The following AIG1 variants were observed in gnomAD, a reference collection of about 807,000 sequenced individuals.
The protein encoded by AIG1 is androgen-induced gene 1 protein.
In AIG1, 23 loss-of-function variants were observed where a neutral mutation model predicts 31.4. That is an observed-to-expected ratio of 0.73 (90% CI 0.53 to 1.04). The LOEUF (loss-of-function observed/expected upper bound fraction) is 1.04. Among genes scored for constraint, AIG1 ranks in the 50% least tolerant of loss-of-function variants. AIG1 has a pLI of 0.00. For missense variants in AIG1, 274 were observed against 295.0 expected (o/e 0.93, Z 0.52); for synonymous variants, 100 against 110.5 (o/e 0.90, Z 0.60).
In AIG1 at chr6:143,325,116, C is replaced by T. The variant is rs1776500160; in HGVS notation, c.516-8166C>T. Among the ~76,000 whole-genome samples, 1 of 152,218 alleles carries T rather than the reference C, an allele frequency of 6.6e-6. No individual in the cohort carries two copies. Among genetic ancestry groups the T allele is most frequent in the Admixed American group, 6.5e-5 (1 of 15,286 alleles). On this transcript the variant is annotated intron_variant, in intron 4 of 5. Transcript: ENST00000357847. This position sits in a 1 kb window ranked among gnomAD's most constrained non-coding sequence, Gnocchi z 4.3. ...GTGGCAAACCAGTTTTCTAATAATT[C>T]TCTATGAAGACCCTGTGCTAATAGA... is the stretch of plus-strand genomic sequence containing the variant.
At chr6:143,276,767 C>T (rs1796950172) in intron 3 of AIG1, among the ~76,000 whole-genome samples, 1 of 152,068 alleles carries the variant, frequency 6.6e-6, no homozygotes, top group African/African-American at 2.4e-5. Flanking sequence ...GACCAATTAG[C>T]GAAATTAATA....
intron 3 of AIG1, among the ~76,000 whole-genome samples, chr6:143,165,563 C>T (rs935203583): frequency 1.3e-5 from 2 of 152,204 alleles, no homozygotes; most frequent in East Asian, 3.8e-4. Context: ...GCTCCACCTG[C>T]GCCTCACATC....
At chr6:143,240,746 C>T (rs540626710) in intron 3 of AIG1, among the ~76,000 whole-genome samples, 1 of 152,076 alleles carries the variant, frequency 6.6e-6, no homozygotes, top group Non-Finnish European at 1.5e-5. Flanking sequence ...TTTTAAAAAA[C>T]CAGACAATAT....
At chr6:143,314,210 AG>A (rs1775541924) in intron 4 of AIG1, among the ~76,000 whole-genome samples, 1 of 140,916 alleles carries the variant, frequency 7.1e-6, no homozygotes. Flanking sequence ...AAAAAAAAAA[AG>A]TTAAAGTAGC....
At chr6:143,212,478 G>A (rs1007999562) in intron 3 of AIG1, among the ~76,000 whole-genome samples, 1 of 152,068 alleles carries the variant, frequency 6.6e-6, no homozygotes, top group Non-Finnish European at 1.5e-5. Flanking sequence ...GATTTGTTTG[G>A]GGTTTTCTAC....
chr6:143,062,571 TGATTGGCTTGTCAATGAG>T (rs577340822), intron 1 of AIG1, among the ~76,000 whole-genome samples: 1 of 152,326 alleles, frequency 6.6e-6, no homozygotes, highest in African/African-American at 2.4e-5. Context: ...CTTATTGGGT[TGATTGGCTTGTCAATGAG>T]GATTGGCTTT....
At chr6:143,259,822 A>G (rs1186349137) in intron 3 of AIG1, among the ~76,000 whole-genome samples, 1 of 152,200 alleles carries the variant, frequency 6.6e-6, no homozygotes, top group Non-Finnish European at 1.5e-5. Flanking sequence ...CTAGGAGAGC[A>G]GTAGCGGGGC....
intron 3 of AIG1, among the ~76,000 whole-genome samples, chr6:143,274,191 T>C (rs1372382252): frequency 6.7e-6 from 1 of 149,664 alleles, no homozygotes. Context: ...CCTTCCCTCA[T>C]AGGAGATCTA....
chr6:143,141,651 T>C (rs1784256810), intron 2 of AIG1, among the ~76,000 whole-genome samples: 1 of 152,168 alleles, frequency 6.6e-6, no homozygotes, highest in Non-Finnish European at 1.5e-5. Flanking sequence ...TTGCAACTAA[T>C]TTTGCAGGGA....
At chr6:143,332,918 CAG>C (rs1777198475) in intron 4 of AIG1, among the ~76,000 whole-genome samples, 1 of 152,078 alleles carries the variant, frequency 6.6e-6, no homozygotes, top group Non-Finnish European at 1.5e-5. Flanking sequence ...GATCCTGGAA[CAG>C]AGAAAGGACA....
intron 1 of AIG1, among the ~76,000 whole-genome samples, chr6:143,090,873 A>G (rs1779244006): frequency 6.6e-6 from 1 of 151,928 alleles, no homozygotes; most frequent in Admixed American, 6.5e-5. Context: ...TCCTTTCATG[A>G]AAGATTGTTC....
At chr6:143,342,723 G>A (rs1326841024), downstream of AIG1, 17 of 966,448 alleles carry the variant, frequency 1.8e-5, no homozygotes, top group Admixed American at 1.2e-4. Context: ...AACAAGCGGT[G>A]GAATAACCTA....
intron 1 of AIG1, among the ~76,000 whole-genome samples, chr6:143,074,126 T>C (rs759245768): frequency 1.4e-4 from 21 of 152,256 alleles, no homozygotes; most frequent in African/African-American, 3.9e-4. Flanking sequence ...CAGTTCTTTA[T>C]GAATTTTAGA....
At chr6:143,254,339 A>C (rs1270892904) in intron 3 of AIG1, among the ~76,000 whole-genome samples, 1 of 152,134 alleles carries the variant, frequency 6.6e-6, no homozygotes, top group African/African-American at 2.4e-5. Context: ...TCAGGTGGAC[A>C]TTTTGGCCCA....
intron 1 of AIG1, among the ~76,000 whole-genome samples, chr6:143,116,503 G>A (rs371841620): frequency 2.6e-5 from 4 of 151,926 alleles, no homozygotes; most frequent in South Asian, 2.1e-4. Context: ...TGGGGGTGAC[G>A]AAGGATGTAA....
intron 3 of AIG1, among the ~76,000 whole-genome samples, chr6:143,246,005 G>A (rs537732737): frequency 1.3e-5 from 2 of 152,172 alleles, no homozygotes; most frequent in South Asian, 2.1e-4. Context: ...AACAATAGCT[G>A]TTGAGCTTAA....
At chr6:143,073,843 C>G (rs978262297) in intron 1 of AIG1, among the ~76,000 whole-genome samples, 9 of 152,194 alleles carry the variant, frequency 5.9e-5, no homozygotes, top group Admixed American at 2.6e-4. Context: ...AGAGGTCACT[C>G]ACTATCACAA....
intron 1 of AIG1, among the ~76,000 whole-genome samples, chr6:143,107,147 T>C (rs1350740898): frequency 6.6e-6 from 1 of 152,230 alleles, no homozygotes; most frequent in Admixed American, 6.5e-5. Context: ...ACAACTTTCA[T>C]AGTATCCACA....
intron 1 of AIG1, among the ~76,000 whole-genome samples, chr6:143,087,876 A>C (rs1778949557): frequency 6.6e-6 from 1 of 152,254 alleles, no homozygotes; most frequent in Non-Finnish European, 1.5e-5. Context: ...ATGATCACTC[A>C]GGGTGTGTAA....
Sources: gnomAD v4.1 joint callset for allele counts (sites outside exome capture counted in the v4.1 genomes callset) on GRCh38, gnomAD v4.1.1 for gene constraint, Gnocchi (gnomAD v3.1) non-coding constraint, MANE v1.5 for transcripts, NCBI Gene and HGNC (gene_info 2026-07-23, HGNC 2026-07-21) for gene names.